The following DYM variants were observed in gnomAD, a reference collection of about 807,000 sequenced individuals.
The protein encoded by DYM is dymeclin.
A neutral mutation model predicts 93.1 loss-of-function variants in DYM; 78 were observed. The ratio of observed to expected loss-of-function variants is 0.84; its 90% CI spans 0.70 to 1.01. The LOEUF (loss-of-function observed/expected upper bound fraction) is 1.01. DYM is among the 50% of genes least tolerant of loss of function. The pLI, the probability that DYM is intolerant of heterozygous loss-of-function variation, is 0.00. For missense variants in DYM, 789 were observed against 845.0 expected, an observed-to-expected ratio of 0.93 and a Z score of 0.82; for synonymous variants, 321 against 319.7, an observed-to-expected ratio of 1.00 and a Z score of -0.04.
chr18:49,108,920 T>A (rs2081135586), intron 16 of DYM, among the ~76,000 whole-genome samples: 2 of 152,356 alleles, frequency 1.3e-5, no homozygotes, highest in African/African-American at 4.8e-5. Flanking sequence ...TTGTTACGTC[T>A]CCTTGGTGAA....
intron 15 of DYM, among the ~76,000 whole-genome samples, chr18:49,135,388 T>A (rs1452284734): frequency 6.6e-6 from 1 of 152,186 alleles, no homozygotes; most frequent in African/African-American, 2.4e-5. Flanking sequence ...TCCTTATGAC[T>A]TGCCTTTGAA....
chr18:49,428,197 C>CCACT (rs567926374), intron 2 of DYM, among the ~76,000 whole-genome samples: 12,163 of 151,680 alleles, frequency 0.08, 762 homozygotes, highest in East Asian at 0.31. Context: ...GTGGCTCACA[C>CCACT]TTGTAATCCC....
chr18:49,046,683 T>C (rs1023696844), intron 17 of DYM, among the ~76,000 whole-genome samples: 6 of 152,160 alleles, frequency 3.9e-5, no homozygotes, highest in Non-Finnish European at 8.8e-5. Flanking sequence ...GAGGATCACT[T>C]GAACCCAGGA....
Position 49,286,571 on chromosome 18 carries a change from G to T in DYM, c.809C>A (p.Ala270Glu). 1.2e-6 allele frequency: 2 copies of T among 1,614,030 alleles called. No individual in the cohort carries two copies. Among genetic ancestry groups the T allele is most frequent in the Non-Finnish European group, 1.7e-6 (2 of 1,179,968 alleles). ...GGAAGAAAGCTCTGGAGAGGCAGCC[G>T]CTTTGCTGCCCACACCACCTAGTGT... ...VFTLGGVGSKAAASPELSSPL... is the reference protein window; with the variant it reads ...VFTLGGVGSKEAASPELSSPL... Residue 270 changes from alanine to glutamate, a missense_variant, in exon 9 of 18, where the codon GCG becomes GAG. Physicochemically the swap from Ala to Glu is moderately radical, Grantham distance 107 (BLOSUM62 -1). Coordinates refer to ENST00000675505, the MANE Select transcript of DYM (RefSeq NM_001353214.3).
intron 13 of DYM, among the ~76,000 whole-genome samples, chr18:49,217,457 T>A (rs1368031773): frequency 1.3e-5 from 2 of 152,034 alleles, no homozygotes; most frequent in African/African-American, 2.4e-5. Flanking sequence ...AATTGTCAGA[T>A]TCACCAAAGT....
At chr18:49,398,991 T>G (rs2070450486) in intron 2 of DYM, among the ~76,000 whole-genome samples, 3 of 152,224 alleles carry the variant, frequency 2.0e-5, no homozygotes, top group South Asian at 4.1e-4. Context: ...TAAAGCTGAC[T>G]GGAACCAAGA....
Position 49,206,011 on chromosome 18 carries a change from G to GTGTTTTTT in DYM, c.1625+3539_1625+3540insAAAAAACA, listed in dbSNP as rs2092474672. On this transcript the variant is annotated intron_variant, in intron 14 of 17. Coordinates refer to ENST00000675505, the MANE Select transcript of DYM (RefSeq NM_001353214.3). ...GGTAGAGTTTTTTTTTTGTTTTTTT[G>GTGTTTTTT]TTTTTTGCGGAGTCTTGCTCTGTGT... 2 of 135,040 alleles carry GTGTTTTTT rather than the reference G, an allele frequency of 1.5e-5. 1 individual carries two copies. The highest frequency in any genetic ancestry group is 3.1e-5 in the Non-Finnish European group (2 of 64,980). 8.4% of individuals were successfully genotyped at this position (135,040 alleles called of 1,614,324 possible).
Position 49,097,213 on chromosome 18 carries a change from T to C in DYM, c.2025+189A>G, listed in dbSNP as rs2079623540. On this transcript the variant is annotated intron_variant, in intron 17 of 17. Coordinates refer to ENST00000675505, the MANE Select transcript of DYM (RefSeq NM_001353214.3). ...GTGCATGCCATGGCTACTTGTAGGA[T>C]ATGCAGTGGCATGAAAGTATTAATG... 4 of 630,868 alleles carry C rather than the reference T, an allele frequency of 6.3e-6. No individual in the cohort carries two copies. In the East Asian group the frequency reaches 1.1e-4, roughly 17 times the overall value. 39.1% of individuals were successfully genotyped at this position (630,868 alleles called of 1,614,324 possible). A position where few individuals can be genotyped will look rare whatever the true frequency, so the allele number is the denominator to read the frequency against.
chr18:49,404,288 G>A (rs2071202134), intron 2 of DYM, among the ~76,000 whole-genome samples: 1 of 152,200 alleles, frequency 6.6e-6, no homozygotes, highest in African/African-American at 2.4e-5. Context: ...GATTAAAGGT[G>A]TGAGCCACCA....
At chr18:49,175,809 T>C (rs943856076) in intron 14 of DYM, among the ~76,000 whole-genome samples, 1 of 152,098 alleles carries the variant, frequency 6.6e-6, no homozygotes. Flanking sequence ...CAATAACTCA[T>C]CTTCTTCAAA....
intron 17 of DYM, among the ~76,000 whole-genome samples, chr18:49,069,728 C>A (rs1250983064): frequency 6.6e-6 from 1 of 152,098 alleles, no homozygotes; most frequent in Non-Finnish European, 1.5e-5. Flanking sequence ...GACTTGGGAA[C>A]CAGATGGCTA....
At chr18:49,449,943 T>C (rs2082383950) in intron 1 of DYM, among the ~76,000 whole-genome samples, 1 of 152,184 alleles carries the variant, frequency 6.6e-6, no homozygotes, top group African/African-American at 2.4e-5. Flanking sequence ...TTGCTGAGAG[T>C]TAACAGTGCA....
At chr18:49,227,791 A>C (rs2093583325) in intron 13 of DYM, among the ~76,000 whole-genome samples, 1 of 152,202 alleles carries the variant, frequency 6.6e-6, no homozygotes, top group African/African-American at 2.4e-5. Flanking sequence ...TGACTGAGGC[A>C]TATACCTCAG....
intron 14 of DYM, among the ~76,000 whole-genome samples, chr18:49,176,667 A>G (rs1348722926): frequency 6.8e-6 from 1 of 146,604 alleles, no homozygotes; most frequent in Non-Finnish European, 1.5e-5. Flanking sequence ...CTCCCACTTC[A>G]GCCTCCCAAA....
rs1568180698 is a variant in DYM, at chr18:49,289,739, A to ATGTGTG, written c.764-3124_764-3123insCACACA. 1.9e-3 allele frequency among the ~76,000 whole-genome samples: 34 copies of ATGTGTG among 18,230 alleles called. 2 individuals carry two copies. In the South Asian group the frequency reaches 0.061, roughly 33 times the overall value. 12.0% of individuals were successfully genotyped at this position (18,230 alleles called of 152,430 possible). ...TATATATATATGTGTATATATATAT[A>ATGTGTG]TATATATATATATATATATATATAT... is the stretch of plus-strand genomic sequence containing the variant. On this transcript the variant is annotated intron_variant, in intron 8 of 17. Transcript: ENST00000675505.
chr18:49,273,255 T>A (rs1333187602), intron 10 of DYM, among the ~76,000 whole-genome samples: 3 of 152,196 alleles, frequency 2.0e-5, no homozygotes, highest in Non-Finnish European at 4.4e-5. Context: ...GTTCAGTGCA[T>A]GAGCACTATT....
Position 49,040,581 on chromosome 18 carries a change from T to C in DYM, c.*3474A>G, listed in dbSNP as rs1018920947. Among the ~76,000 whole-genome samples the C allele has an allele frequency of 1.3e-5, 2 of 152,228 alleles. No individual in the cohort carries two copies. The highest frequency in any genetic ancestry group is 2.4e-5 in the African/African-American group (1 of 41,446). On this transcript the variant is annotated 3_prime_UTR_variant, in exon 18 of 18. Coordinates refer to ENST00000675505, the MANE Select transcript of DYM (RefSeq NM_001353214.3). ...ACCTCTTTGACTCCAGGAGGTGATG[T>C]AGGACACTGGAATTGTTCTGAATTT...
intron 14 of DYM, among the ~76,000 whole-genome samples, chr18:49,185,749 AC>A (rs1001497703): frequency 3.3e-5 from 5 of 152,194 alleles, no homozygotes; most frequent in Non-Finnish European, 7.3e-5. Flanking sequence ...CCTGGCCTCA[AC>A]CCAGAGGGGC....
intron 14 of DYM, among the ~76,000 whole-genome samples, chr18:49,195,035 G>C (rs2091316440): frequency 6.6e-6 from 1 of 151,988 alleles, no homozygotes; most frequent in Non-Finnish European, 1.5e-5. Flanking sequence ...ATGTCAAGTG[G>C]CAAAATTTAA....
Sources: gnomAD v4.1 joint callset for allele counts (sites outside exome capture counted in the v4.1 genomes callset) on GRCh38, gnomAD v4.1.1 for gene constraint, MANE v1.5 for transcripts, NCBI Gene and HGNC (gene_info 2026-07-23, HGNC 2026-07-21) for gene names.